KCTD8: variants seen among roughly 807,000 people sequenced by gnomAD.
The protein encoded by KCTD8 is BTB/POZ domain-containing protein KCTD8.
Under a neutral mutation model 31.5 loss-of-function variants are expected in KCTD8, and 27 were observed. That is an observed-to-expected ratio of 0.86 (90% confidence interval 0.63 to 1.18). KCTD8 has a LOEUF of 1.18. Ranked by LOEUF, KCTD8 falls within the 50% of genes most tolerant of loss-of-function variation. The probability of loss-of-function intolerance (pLI) is 0.00; values close to 1 mark genes in which losing one functional copy is unlikely to be tolerated. For synonymous variants in KCTD8, 290 were observed against 280.0 expected (o/e 1.04, Z -0.36); for missense variants, 658 against 647.7 (o/e 1.02, Z -0.17).
chr4:44,332,305 T>A (rs1165644208), intron 1 of KCTD8, among the ~76,000 whole-genome samples: 1 of 152,002 alleles, frequency 6.6e-6, no homozygotes, highest in East Asian at 1.9e-4. Context: ...TGACTGGATC[T>A]GCTCTGTTGG....
intron 1 of KCTD8, among the ~76,000 whole-genome samples, chr4:44,404,789 A>G (rs1277754225): frequency 2.0e-5 from 3 of 152,208 alleles, no homozygotes; most frequent in Admixed American, 6.5e-5. Context: ...ATTTAATCTT[A>G]TGTTTAAAAT....
chr4:44,234,985 T>C (rs534741474), intron 1 of KCTD8, among the ~76,000 whole-genome samples: 13 of 152,264 alleles, frequency 8.5e-5, no homozygotes, highest in Admixed American at 6.5e-4. Flanking sequence ...ATAGAACATA[T>C]GAAGAATCAT....
chr4:44,316,282 A>AT (rs138592646), intron 1 of KCTD8, among the ~76,000 whole-genome samples: 59 of 151,842 alleles, frequency 3.9e-4, no homozygotes, highest in African/African-American at 1.4e-3. Context: ...ATTTATAAAC[A>AT]TTTTTTCCAA....
At chr4:44,267,263 T>C (rs184681758) in intron 1 of KCTD8, among the ~76,000 whole-genome samples, 2,714 of 152,186 alleles carry the variant, frequency 0.018, 91 homozygotes, top group African/African-American at 0.063. Context: ...CTGAACTACA[T>C]GGAAACTGAA....
At chr4:44,208,076 C>A (rs542748248) in intron 1 of KCTD8, among the ~76,000 whole-genome samples, 24 of 152,196 alleles carry the variant, frequency 1.6e-4, no homozygotes, top group African/African-American at 5.5e-4. Flanking sequence ...GCTAAGAAAC[C>A]CTATGTCCAC....
intron 1 of KCTD8, among the ~76,000 whole-genome samples, chr4:44,195,863 T>C (rs947714809): frequency 6.6e-6 from 1 of 152,174 alleles, no homozygotes; most frequent in Non-Finnish European, 1.5e-5. Context: ...GTTAATTCTA[T>C]TGGAAAATAT....
intron 1 of KCTD8, among the ~76,000 whole-genome samples, chr4:44,295,639 CA>C (rs1717407794): frequency 6.6e-6 from 1 of 152,208 alleles, no homozygotes; most frequent in East Asian, 1.9e-4. Flanking sequence ...GTTGCTATAA[CA>C]GAATAGCACA....
intron 1 of KCTD8, among the ~76,000 whole-genome samples, chr4:44,268,248 T>C (rs1716456190): frequency 6.6e-6 from 1 of 151,694 alleles, no homozygotes. Context: ...TATATGCAAA[T>C]CAATAAATGT....
At chr4:44,309,221 T>C (rs1050736273) in intron 1 of KCTD8, among the ~76,000 whole-genome samples, 1 of 151,814 alleles carries the variant, frequency 6.6e-6, no homozygotes, top group Non-Finnish European at 1.5e-5. Flanking sequence ...TTTTTTTTTT[T>C]AGAGATGGGG....
chr4:44,410,438 A>C (rs1720927319), intron 1 of KCTD8, among the ~76,000 whole-genome samples: 1 of 152,216 alleles, frequency 6.6e-6, no homozygotes, highest in Admixed American at 6.5e-5. Context: ...AACTACAGTT[A>C]TTATTCTCAT....
Position 44,447,970 on chromosome 4 carries a change from G to T in KCTD8, c.554C>A (p.Ala185Asp). 1 of 1,530,514 alleles carries T rather than the reference G, an allele frequency of 6.5e-7. No homozygotes were observed. Among genetic ancestry groups the T allele is most frequent in the Non-Finnish European group, 8.8e-7 (1 of 1,137,596 alleles). The allele number at this position is 1,530,514 out of a possible 1,614,324, so 94.8% of individuals were successfully genotyped here. A position where few individuals can be genotyped will look rare whatever the true frequency, so the allele number is the denominator to read the frequency against. The change falls in exon 1 of 2, where the codon GCC becomes GAC. Residue 185 changes from alanine (A) to aspartate (D), a missense_variant. Coordinates refer to ENST00000360029, the MANE Select transcript of KCTD8 (RefSeq NM_198353.3). ...DALLLRGAAA[A>D]VPSGPGAHGG... ...GTGCGCTCCCGGGCCCGAGGGCACG[G>T]CGGCCGCCGCCCCGCGCAGCAGCAG...
intron 1 of KCTD8, among the ~76,000 whole-genome samples, chr4:44,341,116 TA>T (rs1205102174): frequency 6.6e-6 from 1 of 152,338 alleles, no homozygotes; most frequent in African/African-American, 2.4e-5. Flanking sequence ...AGAAGCATAT[TA>T]ATGTTATTAT....
intron 1 of KCTD8, among the ~76,000 whole-genome samples, chr4:44,235,525 TTATATATATATATATA>T (rs752341720): frequency 0.18 from 10,077 of 54,916 alleles, 1,172 homozygotes; most frequent in Middle Eastern, 0.27. Context: ...AGACACTGGA[TTATATATATATATATA>T]TATATATATA....
At chr4:44,405,650 T>G (rs553189321) in intron 1 of KCTD8, among the ~76,000 whole-genome samples, 1 of 152,172 alleles carries the variant, frequency 6.6e-6, no homozygotes, top group South Asian at 2.1e-4. Context: ...TACTATTTTC[T>G]TCTCTGGAAC....
intron 1 of KCTD8, among the ~76,000 whole-genome samples, chr4:44,198,048 G>C (rs1462006654): frequency 6.6e-6 from 1 of 152,058 alleles, no homozygotes; most frequent in Non-Finnish European, 1.5e-5. Context: ...ACCCAGGAAA[G>C]AATCTCAGAG....
At chr4:44,211,469 A>G (rs1427120482) in intron 1 of KCTD8, among the ~76,000 whole-genome samples, 2 of 152,158 alleles carry the variant, frequency 1.3e-5, no homozygotes, top group East Asian at 3.8e-4. Context: ...TCAACATTAT[A>G]TTTCTAAGGG....
chr4:44,447,776 C>G lies in KCTD8; in HGVS notation c.748G>C (p.Asp250His). 7 of 1,610,764 alleles carry G rather than the reference C, an allele frequency of 4.3e-6. No individual in the cohort carries two copies. The highest frequency in any genetic ancestry group is 5.9e-6 in the Non-Finnish European group (7 of 1,178,404). The change falls in exon 1 of 2, where the codon GAC (aspartate) becomes CAC (histidine). Residue 250 changes from aspartate to histidine, a missense_variant. By Grantham distance (81) the Asp-to-His change is moderately conservative. Coordinates refer to ENST00000360029, the MANE Select transcript of KCTD8 (RefSeq NM_198353.3). ...RIALAKEVFG[D>H]TLNESRDPDR... is the part of the protein sequence containing the mutation. Reference sequence around the variant, plus strand: ...GGGTCGCGGCTCTCGTTGAGCGTGTCCCCGAAGACCTCCTTGGCCAGCGCG... The same window carrying G: ...GGGTCGCGGCTCTCGTTGAGCGTGTGCCCGAAGACCTCCTTGGCCAGCGCG...
intron 1 of KCTD8, among the ~76,000 whole-genome samples, chr4:44,242,455 G>A (rs1261537769): frequency 6.6e-6 from 1 of 152,038 alleles, no homozygotes; most frequent in Non-Finnish European, 1.5e-5. Flanking sequence ...GCTGGCTCCT[G>A]TAGTCCCAGC....
At chr4:44,338,361 A>G (rs373426843) in intron 1 of KCTD8, among the ~76,000 whole-genome samples, 19 of 152,340 alleles carry the variant, frequency 1.2e-4, no homozygotes, top group African/African-American at 4.3e-4. Context: ...GCATTGAAAT[A>G]TACCTAAGAG....
Sources: allele counts gnomAD v4.1 joint callset (sites outside exome capture counted in the v4.1 genomes callset), GRCh38; gene constraint gnomAD v4.1.1; transcripts MANE v1.5; gene names NCBI Gene and HGNC (gene_info 2026-07-23, HGNC 2026-07-21).